The following NAV1 variants were observed in gnomAD, a reference collection of about 807,000 sequenced individuals.
NAV1 encodes pore membrane and/or filament interacting like protein 3.
In NAV1, 18 loss-of-function variants were observed where a neutral mutation model predicts 175.2. The observed-to-expected ratio is 0.10, with a 90% CI of 0.07 to 0.15. The LOEUF (loss-of-function observed/expected upper bound fraction) is 0.15, where lower values mean the gene tolerates loss of function less well. NAV1 is among the 10% of genes least tolerant of loss of function. The pLI is 1.00. For missense variants in NAV1, 1,731 were observed against 2,436.6 expected (o/e 0.71, Z 6.10); for synonymous variants, 897 against 978.7 (o/e 0.92, Z 1.56).
intron 1 of NAV1, among the ~76,000 whole-genome samples, chr1:201,675,185 A>T (rs1670199278): frequency 6.6e-6 from 1 of 152,114 alleles, no homozygotes; most frequent in South Asian, 2.1e-4. Context: ...TCCAGACTAC[A>T]CCAGGTACCA....
intron 2 of NAV1, among the ~76,000 whole-genome samples, chr1:201,634,139 G>A (rs1164710425): frequency 6.6e-6 from 1 of 152,220 alleles, no homozygotes; most frequent in Non-Finnish European, 1.5e-5. Flanking sequence ...TATTTAGTCT[G>A]TCTGTGCCCC....
intron 10 of NAV1, 53 bp from the exon 15 acceptor site, chr1:201,789,687 C>T (rs1489409440): frequency 2.6e-6 from 4 of 1,557,882 alleles, no homozygotes; most frequent in African/African-American, 2.7e-5. Flanking sequence ...CTTCCAAAAA[C>T]CCCTTGTCCC....
At chr1:201,553,610 C>T (rs181485954) in intron 1 of NAV1, among the ~76,000 whole-genome samples, 62 of 152,314 alleles carry the variant, frequency 4.1e-4, no homozygotes, top group African/African-American at 1.1e-3. Context: ...TGACCCACAC[C>T]GGATCCAGAT....
intron 13 of NAV1, chr1:201,793,520 G>C: frequency 2.4e-6 from 1 of 413,128 alleles, no homozygotes; most frequent in South Asian, 2.5e-5. Flanking sequence ...GTAGTTGATA[G>C]GTTTTAGATC....
Position 201,808,926 on chromosome 1 carries a change from C to T in NAV1, c.4207+55C>T, listed in dbSNP as rs1678503595. ...GTGAAGGGAAGAAAAGGGCTTATTTCACTGTTACACCATTCCACTTGCTTT... is the reference window on the plus strand; with the variant it reads ...GTGAAGGGAAGAAAAGGGCTTATTTTACTGTTACACCATTCCACTTGCTTT... On this transcript the variant is annotated intron_variant, in intron 20 of 29. Transcript: ENST00000367296. This position sits in a 1 kb window ranked among gnomAD's most constrained non-coding sequence, Gnocchi z 5.5. The T allele has an allele frequency of 9.6e-6, 15 of 1,560,796 alleles. No individual in the cohort carries two copies. Among genetic ancestry groups the T allele is most frequent in the African/African-American group, 1.4e-5 (1 of 73,606 alleles).
At chr1:201,751,030 A>G (rs1166904876) in intron 3 of NAV1, among the ~76,000 whole-genome samples, 1 of 152,216 alleles carries the variant, frequency 6.6e-6, no homozygotes, top group East Asian at 1.9e-4. Flanking sequence ...CAAAAGTCCT[A>G]GACTGATCAT....
upstream of NAV1, among the ~76,000 whole-genome samples, chr1:201,620,185 T>C (rs2102273889): frequency 6.6e-6 from 1 of 152,302 alleles, no homozygotes; most frequent in South Asian, 2.1e-4. Flanking sequence ...GCAACAGCCA[T>C]AAACAATTCC....
At chr1:201,552,995 G>C (rs142897897) in intron 1 of NAV1, among the ~76,000 whole-genome samples, 1 of 152,166 alleles carries the variant, frequency 6.6e-6, no homozygotes, top group East Asian at 1.9e-4. Context: ...TCCAGGGGAC[G>C]AGGGGGGCAG....
intron 3 of NAV1, among the ~76,000 whole-genome samples, chr1:201,733,905 G>C (rs530413147): frequency 1.3e-5 from 2 of 152,328 alleles, no homozygotes; most frequent in East Asian, 3.9e-4. Flanking sequence ...GAGAGAGGAA[G>C]CTACTGGAGG....
At chr1:201,627,619 T>C (rs1471282360) in intron 1 of NAV1, among the ~76,000 whole-genome samples, 1 of 150,882 alleles carries the variant, frequency 6.6e-6, no homozygotes, top group African/African-American at 2.4e-5. Flanking sequence ...ATACCTGCTC[T>C]GGCCCAGACG....
rs755565220 is a variant in NAV1 at position 201,671,308 on chromosome 1, C to T, written c.757+21883C>T. On this transcript the variant is annotated intron_variant, in intron 1 of 29. Transcript: ENST00000367296. Reference sequence around the variant, plus strand: ...GATCCCTCTTCATATGTCCTTTTTACGGGCTGAACTGAGGAGCTCCAGATA... The same window carrying T: ...GATCCCTCTTCATATGTCCTTTTTATGGGCTGAACTGAGGAGCTCCAGATA... 7.2e-5 allele frequency among the ~76,000 whole-genome samples: 11 copies of T among 152,212 alleles called. No individual in the cohort carries two copies. In the South Asian group the frequency reaches 8.3e-4, roughly 11 times the overall value.
chr1:201,706,518 G>T (rs954479349), intron 1 of NAV1, among the ~76,000 whole-genome samples: 1 of 152,164 alleles, frequency 6.6e-6, no homozygotes, highest in Non-Finnish European at 1.5e-5. Context: ...GTGACACTGG[G>T]CAGGCCCCTC....
chr1:201,725,459 G>C (rs1029237532), intron 3 of NAV1, among the ~76,000 whole-genome samples: 3 of 152,188 alleles, frequency 2.0e-5, no homozygotes, highest in African/African-American at 7.2e-5. Flanking sequence ...AAATCTAAAA[G>C]GGAGGTAGGC....
At chr1:201,715,530 A>G (rs1672103712) in intron 2 of NAV1, among the ~76,000 whole-genome samples, 1 of 152,170 alleles carries the variant, frequency 6.6e-6, no homozygotes, top group South Asian at 2.1e-4. Context: ...GACAGGATAT[A>G]TACATACTCC....
chr1:201,822,271 C>T (rs902273297), exon 30 of NAV1: 1 of 152,790 alleles, frequency 6.5e-6, no homozygotes, highest in African/African-American at 2.4e-5. Flanking sequence ...AGGAGGCCCC[C>T]GAGCTGGCTG....
At chr1:201,561,363 CCATCACA>C (rs1344612411) in intron 1 of NAV1, among the ~76,000 whole-genome samples, 1 of 152,170 alleles carries the variant, frequency 6.6e-6, no homozygotes, top group Non-Finnish European at 1.5e-5. Context: ...CGAATCTGCC[CCATCACA>C]CATGGTGTTA....
intron 1 of NAV1, among the ~76,000 whole-genome samples, chr1:201,562,614 C>T (rs929008017): frequency 3.3e-5 from 5 of 152,214 alleles, no homozygotes; most frequent in African/African-American, 1.2e-4. Flanking sequence ...GGACTGATCA[C>T]TTTTGAAACT....
chr1:201,684,440 C>T (rs984688428), intron 1 of NAV1, among the ~76,000 whole-genome samples: 8 of 149,682 alleles, frequency 5.3e-5, no homozygotes, highest in South Asian at 2.1e-4. Flanking sequence ...CCTAATAGCA[C>T]GTGGTTCATT....
upstream of NAV1, among the ~76,000 whole-genome samples, chr1:201,621,971 G>A (rs1020293577): frequency 6.6e-6 from 1 of 152,206 alleles, no homozygotes; most frequent in African/African-American, 2.4e-5. Flanking sequence ...GCTGGTGAAG[G>A]GGGAAGGGTT....
Sources: gnomAD v4.1 joint callset for allele counts (sites outside exome capture counted in the v4.1 genomes callset) on GRCh38, gnomAD v4.1.1 for gene constraint, Gnocchi (gnomAD v3.1) non-coding constraint, MANE v1.5 for transcripts, NCBI Gene and HGNC (gene_info 2026-07-23, HGNC 2026-07-21) for gene names.